The following KCNU1 variants were observed in gnomAD, a reference collection of about 807,000 sequenced individuals.
The protein encoded by KCNU1 is potassium calcium-activated channel subfamily U member 1, also known as potassium channel subfamily U member 1.
In KCNU1, 93 loss-of-function variants were observed where a neutral mutation model predicts 126.8. The ratio of observed to expected loss-of-function variants is 0.73; its 90% CI spans 0.62 to 0.87. The LOEUF is 0.87. Ranked by LOEUF, KCNU1 falls within the 40% of genes least tolerant of loss-of-function variation. KCNU1 has a pLI of 0.00. For missense variants in KCNU1, 1,330 were observed against 1,367.1 expected, an observed-to-expected ratio of 0.97 and a Z score of 0.43; for synonymous variants, 523 against 494.2, an observed-to-expected ratio of 1.06 and a Z score of -0.77.
intron 3 of KCNU1, among the ~76,000 whole-genome samples, chr8:36,804,419 T>C (rs1803424259): frequency 6.6e-6 from 1 of 152,180 alleles, no homozygotes; most frequent in Admixed American, 6.5e-5. Flanking sequence ...AGGTTTTATA[T>C]GTCTTTGGTT....
intron 1 of KCNU1, among the ~76,000 whole-genome samples, chr8:36,786,291 T>C (rs768852013): frequency 1.3e-5 from 2 of 152,218 alleles, no homozygotes; most frequent in Non-Finnish European, 2.9e-5. Context: ...TCCAATTTTA[T>C]GATGGAATTC....
chr8:36,929,124 G>A lies in KCNU1; in HGVS notation c.2737-1827G>A, dbSNP rs905620938. 20 of 630,880 alleles carry A rather than the reference G, an allele frequency of 3.2e-5. No homozygotes were observed. In the Middle Eastern group the frequency reaches 9.3e-4, roughly 29 times the overall value. 39.1% of individuals were successfully genotyped at this position (630,880 alleles called of 1,614,324 possible). A position where few individuals can be genotyped will look rare whatever the true frequency, so the allele number is the denominator to read the frequency against. ...CAGCCAGACACAGTGGCTCATGCCT[G>A]TAATCCCAGCACTTTGGGAGGCCAA... On this transcript the variant is annotated intron_variant, in intron 24 of 26. Coordinates refer to ENST00000399881, the MANE Select transcript of KCNU1 (RefSeq NM_001031836.3).
intron 19 of KCNU1, among the ~76,000 whole-genome samples, chr8:36,876,283 T>C (rs1014769989): frequency 6.6e-6 from 1 of 152,186 alleles, no homozygotes; most frequent in African/African-American, 2.4e-5. Context: ...CTGTGTTTCT[T>C]TACAGCTAAT....
intron 7 of KCNU1, among the ~76,000 whole-genome samples, chr8:36,811,655 G>T (rs1803717567): frequency 6.6e-6 from 1 of 152,180 alleles, no homozygotes; most frequent in South Asian, 2.1e-4. Context: ...GTAGTGGCTG[G>T]GCACGGTGGC....
At chr8:36,927,588 T>A (rs1808572619) in intron 24 of KCNU1, among the ~76,000 whole-genome samples, 1 of 152,154 alleles carries the variant, frequency 6.6e-6, no homozygotes, top group South Asian at 2.1e-4. Flanking sequence ...CCCTATAATC[T>A]CACTCTGAGA....
intron 18 of KCNU1, among the ~76,000 whole-genome samples, chr8:36,859,200 A>G (rs2117319312): frequency 6.6e-6 from 1 of 152,346 alleles, no homozygotes; most frequent in East Asian, 1.9e-4. Context: ...GCTTGACCAC[A>G]TAGTTTTAAA....
At chr8:36,821,267 T>C (rs1225665461) in intron 10 of KCNU1, among the ~76,000 whole-genome samples, 3 of 152,290 alleles carry the variant, frequency 2.0e-5, no homozygotes, top group Admixed American at 6.5e-5. Context: ...TGGGCCATAA[T>C]TGAGAAACAT....
In KCNU1 at chr8:36,804,662, T is replaced by C. The variant is rs149554978; in HGVS notation, c.378-533T>C. On this transcript the variant is annotated intron_variant, in intron 3 of 26. Transcript: ENST00000399881. The stretch of plus-strand genomic sequence containing the variant: ...CCATGTCAATCACTTGGGAATTATA[T>C]TGGATTTCTAGCTAAAATGGAATTG... Among the ~76,000 whole-genome samples, 184 of 152,284 alleles carry C rather than the reference T, an allele frequency of 1.2e-3. 1 individual carries two copies. The highest frequency in any genetic ancestry group is 4.1e-3 in the African/African-American group (171 of 41,576).
chr8:36,829,749 C>A (rs1182720210), intron 10 of KCNU1, among the ~76,000 whole-genome samples: 1 of 151,286 alleles, frequency 6.6e-6, no homozygotes, highest in African/African-American at 2.4e-5. Context: ...CCAACTTTTA[C>A]TATGCTGGGT....
chr8:36,807,317 G>A, intron 5 of KCNU1, 58 bp from the exon 6 acceptor site: 1 of 1,164,148 alleles, frequency 8.6e-7, no homozygotes, highest in Non-Finnish European at 1.3e-6. Context: ...TATAACGTAG[G>A]CTCCCTCTGG....
intron 20 of KCNU1, among the ~76,000 whole-genome samples, chr8:36,907,009 A>G (rs1301976392): frequency 1.3e-5 from 2 of 152,132 alleles, no homozygotes; most frequent in African/African-American, 2.4e-5. Context: ...ATTAGATCAT[A>G]TTTATTAAGA....
chr8:36,807,386 C>T lies in KCNU1; in HGVS notation c.592C>T (p.Leu198=), dbSNP rs758994466. Reference sequence around the variant, plus strand: ...CCATTGGTTTGTAGGTTTAAGGTTCCTAAGAGCCTTGCGCCTGCTAGAACT... The same window carrying T: ...CCATTGGTTTGTAGGTTTAAGGTTCTTAAGAGCCTTGCGCCTGCTAGAACT... ...LKSNWLGLRF[L]RALRLLELPQ... Residue 198 remains leucine, a synonymous_variant, in exon 6 of 27, where the codon CTA becomes TTA. Coordinates refer to ENST00000399881, the MANE Select transcript of KCNU1 (RefSeq NM_001031836.3). 18 of 1,613,238 alleles carry T rather than the reference C, an allele frequency of 1.1e-5. No individual in the cohort carries two copies. Among genetic ancestry groups the T allele is most frequent in the South Asian group, 1.1e-4 (10 of 91,072 alleles).
At chr8:36,819,291 C>T (rs972648683) in intron 10 of KCNU1, among the ~76,000 whole-genome samples, 1 of 152,058 alleles carries the variant, frequency 6.6e-6, no homozygotes, top group Admixed American at 6.5e-5. Context: ...CAAAAGTGAA[C>T]TCATGATCTT....
intron 19 of KCNU1, among the ~76,000 whole-genome samples, chr8:36,878,266 A>G (rs989292069): frequency 2.0e-5 from 3 of 152,158 alleles, no homozygotes; most frequent in Non-Finnish European, 4.4e-5. Context: ...GATCAGAAAA[A>G]CTCTAAGGGA....
chr8:36,872,755 T>C (rs1264284094), intron 19 of KCNU1, among the ~76,000 whole-genome samples: 1 of 152,174 alleles, frequency 6.6e-6, no homozygotes, highest in Admixed American at 6.5e-5. Flanking sequence ...ATATTAAAAT[T>C]CTGCATTTGT....
chr8:36,907,959 C>T (rs957465075), intron 20 of KCNU1, among the ~76,000 whole-genome samples: 22 of 152,072 alleles, frequency 1.4e-4, no homozygotes, highest in African/African-American at 5.3e-4. Flanking sequence ...TATATTATGT[C>T]CTACAACAAA....
intron 19 of KCNU1, among the ~76,000 whole-genome samples, chr8:36,894,791 A>G (rs1009076245): frequency 6.6e-6 from 1 of 152,154 alleles, no homozygotes; most frequent in Admixed American, 6.5e-5. Flanking sequence ...TACAGATGAT[A>G]CAAAAATACA....
intron 26 of KCNU1, among the ~76,000 whole-genome samples, chr8:36,933,766 T>G (rs1467362379): frequency 6.6e-6 from 1 of 151,962 alleles, no homozygotes; most frequent in Non-Finnish European, 1.5e-5. Context: ...ACAGCAACAA[T>G]TTTTTTGGCC....
Position 36,935,875 on chromosome 8 carries a change from T to C in KCNU1, c.3405T>C (p.Asp1135=), listed in dbSNP as rs771437146. The part of the protein sequence containing the change: ...NAKENERKTS[D]EVYDEDPFAY... ...AAGAAAATGAAAGGAAAACTTCAGA[T>C]GAGGTTTATGATGAGGATCCCTTTG... The change falls in exon 27 of 27, where the codon GAT becomes GAC. Residue 1135 remains aspartate (D), a synonymous_variant. Coordinates refer to ENST00000399881, the MANE Select transcript of KCNU1 (RefSeq NM_001031836.3). The C allele has an allele frequency of 6.2e-7, 1 of 1,608,204 alleles. No individual in the cohort carries two copies. The highest frequency in any genetic ancestry group is 8.5e-7 in the Non-Finnish European group (1 of 1,176,648).
Sources: gnomAD v4.1 joint callset for allele counts (sites outside exome capture counted in the v4.1 genomes callset) on GRCh38, gnomAD v4.1.1 for gene constraint, MANE v1.5 for transcripts, NCBI Gene and HGNC (gene_info 2026-07-23, HGNC 2026-07-21) for gene names.